AGMO: variants seen among roughly 807,000 people sequenced by gnomAD.
AGMO encodes glyceryl-ether monooxygenase.
A neutral mutation model predicts 60.2 loss-of-function variants in AGMO; 75 were observed. That is an observed-to-expected ratio of 1.25 (90% CI 1.03 to 1.51). AGMO has a LOEUF of 1.51. AGMO is among the 40% of genes most tolerant of loss of function. The probability of loss-of-function intolerance (pLI) is 0.00; values close to 1 mark genes in which losing one functional copy is unlikely to be tolerated. For missense variants in AGMO, 763 were observed against 525.5 expected, an observed-to-expected ratio of 1.45 and a Z score of -4.42; for synonymous variants, 261 against 177.1, an observed-to-expected ratio of 1.47 and a Z score of -3.76.
intron 12 of AGMO, among the ~76,000 whole-genome samples, chr7:15,249,714 G>A (rs1282932931): frequency 6.6e-6 from 1 of 152,012 alleles, no homozygotes; most frequent in African/African-American, 2.4e-5. Flanking sequence ...AAGGGGTGGT[G>A]GGATTTGAAA....
chr7:15,263,643 G>T (rs1386138245), intron 12 of AGMO, among the ~76,000 whole-genome samples: 1 of 152,038 alleles, frequency 6.6e-6, no homozygotes, highest in Admixed American at 6.6e-5. Flanking sequence ...AGCACAATTT[G>T]CAACTGCAAA....
At chr7:15,422,560 T>TA (rs959570467) in intron 4 of AGMO, among the ~76,000 whole-genome samples, 17 of 151,876 alleles carry the variant, frequency 1.1e-4, no homozygotes, top group East Asian at 1.9e-4. Context: ...CTGAAAAAAA[T>TA]AAAAAAACCC....
chr7:15,386,142 C>CT (rs1783901025), intron 9 of AGMO, among the ~76,000 whole-genome samples: 1 of 151,584 alleles, frequency 6.6e-6, no homozygotes. Flanking sequence ...GACTGCATGA[C>CT]TGTTCTCCAA....
At position 15,299,873 on chromosome 7, in the gene AGMO, ACACACACACACAC is replaced by A. The variant is rs1563075547; in HGVS notation, c.1263+65628_1263+65640del. Among the ~76,000 whole-genome samples, 218 of 139,352 alleles carry A rather than the reference ACACACACACACAC, an allele frequency of 1.6e-3. 5 individuals carry two copies. Among genetic ancestry groups the A allele is most frequent in the African/African-American group, 5.5e-3 (181 of 32,632 alleles). 91.4% of individuals were successfully genotyped at this position (139,352 alleles called of 152,430 possible). A position where few individuals can be genotyped will look rare whatever the true frequency, so the allele number is the denominator to read the frequency against. ...CACACACACACACACACACACACAC[ACACACACACACAC>A]AGTATGTTTTGTGTTCAACATATCC... On this transcript the variant is annotated intron_variant, in intron 12 of 12. Coordinates refer to ENST00000342526, the MANE Select transcript of AGMO (RefSeq NM_001004320.2).
chr7:15,118,352 T>C, the AGMO span, among the ~76,000 whole-genome samples: 2 of 151,990 alleles, frequency 1.3e-5, no homozygotes, highest in African/African-American at 4.8e-5. Flanking sequence ...TTAGGGGAGA[T>C]TATAGTTACA....
At chr7:15,431,199 A>G in intron 3 of AGMO, 91 bp from the exon 4 acceptor site, 1 of 842,760 alleles carries the variant, frequency 1.2e-6, no homozygotes, top group Non-Finnish European at 1.9e-6. Flanking sequence ...TGAGTGAGGA[A>G]GAAAAATCTG....
chr7:15,451,472 G>T (rs781733956), intron 3 of AGMO, among the ~76,000 whole-genome samples: 1 of 152,064 alleles, frequency 6.6e-6, no homozygotes, highest in East Asian at 1.9e-4. Flanking sequence ...TTGAGGCTGG[G>T]AATTCTAAGA....
intron 2 of AGMO, 132 bp downstream of exon 2, chr7:15,560,009 T>A: frequency 1.2e-6 from 1 of 831,024 alleles, no homozygotes; most frequent in Non-Finnish European, 1.7e-6. Context: ...AAATTTTAAA[T>A]AATGACATGA....
At chr7:15,206,864 C>G (rs1424406234) in intron 12 of AGMO, among the ~76,000 whole-genome samples, 1 of 152,108 alleles carries the variant, frequency 6.6e-6, no homozygotes, top group Non-Finnish European at 1.5e-5. Context: ...ATGGAAACAT[C>G]AGATTTTCAC....
chr7:15,546,237 A>G (rs182063939), intron 2 of AGMO, among the ~76,000 whole-genome samples: 1 of 152,324 alleles, frequency 6.6e-6, no homozygotes, highest in Non-Finnish European at 1.5e-5. Context: ...ACTGTCTTAT[A>G]ACAGCATTAA....
chr7:15,326,239 GC>G (rs1199066812), intron 12 of AGMO, among the ~76,000 whole-genome samples: 2 of 152,046 alleles, frequency 1.3e-5, no homozygotes, highest in African/African-American at 4.8e-5. Flanking sequence ...TGGAGCCCAG[GC>G]ATCTATATGG....
At chr7:15,383,569 T>G (rs1348941126) in intron 10 of AGMO, among the ~76,000 whole-genome samples, 1 of 152,182 alleles carries the variant, frequency 6.6e-6, no homozygotes, top group African/African-American at 2.4e-5. Context: ...ACTTAGATTA[T>G]TACACTGGTA....
At chr7:15,365,397 A>AAAAAAAAAAAAAAAAAAAAT in intron 12 of AGMO, 117 bp downstream of exon 12, 2 of 486,326 alleles carry the variant, frequency 4.1e-6, no homozygotes, top group Non-Finnish European at 7.1e-6. Context: ...AAAAAAAAAG[A>AAAAAAAAAAAAAAAAAAAAT]TCAAGATTTC....
At chr7:15,150,855 C>T in the AGMO span, among the ~76,000 whole-genome samples, 1 of 152,028 alleles carries the variant, frequency 6.6e-6, no homozygotes, top group Non-Finnish European at 1.5e-5. Flanking sequence ...GAGATAGTCC[C>T]TCCTCCTTGA....
chr7:15,203,221 A>G lies in AGMO; in HGVS notation c.1264-1862T>C, dbSNP rs1781351152. Among the ~76,000 whole-genome samples, 16 of 152,190 alleles carry G rather than the reference A, an allele frequency of 1.1e-4. No individual in the cohort carries two copies. The South Asian group carries it at 3.3e-3, about 32-fold the overall frequency. ...TCTTTTCCATTCTCAATTCCCCTAG[A>G]CTATCCATACTTTCATCTCGACTTC... On this transcript the variant is annotated intron_variant, in intron 12 of 12. Coordinates refer to ENST00000342526, the MANE Select transcript of AGMO (RefSeq NM_001004320.2).
At chr7:15,528,370 T>C (rs1018228419) in intron 3 of AGMO, among the ~76,000 whole-genome samples, 23 of 152,156 alleles carry the variant, frequency 1.5e-4, no homozygotes, top group Admixed American at 1.3e-3. Context: ...CACTTTATCA[T>C]GCTGGTCTGG....
intron 12 of AGMO, among the ~76,000 whole-genome samples, chr7:15,294,337 G>A (rs1053934981): frequency 6.6e-6 from 1 of 151,552 alleles, no homozygotes; most frequent in Non-Finnish European, 1.5e-5. Context: ...AATATTTCTG[G>A]AGGTCCTTAA....
rs138890087 is a variant in AGMO at position 15,218,327 on chromosome 7, ATGTGTGTG to A, written c.1264-16976_1264-16969del. Reference sequence around the variant, plus strand: ...ATACTATATTGACTATGGTGTGTGTATGTGTGTGTGTGTGTGTGTGTGTGTGTGTGTGT... The same window carrying A: ...ATACTATATTGACTATGGTGTGTGTATGTGTGTGTGTGTGTGTGTGTGTGT... On this transcript the variant is annotated intron_variant, in intron 12 of 12. Coordinates refer to ENST00000342526, the MANE Select transcript of AGMO (RefSeq NM_001004320.2). 3.6e-4 allele frequency among the ~76,000 whole-genome samples: 52 copies of A among 144,016 alleles called. 1 individual carries two copies. Among genetic ancestry groups the A allele is most frequent in the East Asian group, 1.7e-3 (8 of 4,826 alleles). The allele number at this position is 144,016 out of a possible 152,430, so 94.5% of individuals were successfully genotyped here. A position where few individuals can be genotyped will look rare whatever the true frequency, so the allele number is the denominator to read the frequency against.
chr7:15,400,604 CA>C, intron 5 of AGMO, among the ~76,000 whole-genome samples: 1 of 152,130 alleles, frequency 6.6e-6, no homozygotes, highest in South Asian at 2.1e-4. Flanking sequence ...GGACCAAAGG[CA>C]AAGCATGAGT....
Sources: allele counts gnomAD v4.1 joint callset (sites outside exome capture counted in the v4.1 genomes callset), GRCh38; gene constraint gnomAD v4.1.1; transcripts MANE v1.5; gene names NCBI Gene and HGNC (gene_info 2026-07-23, HGNC 2026-07-21).